Variants in TBC1D32 observed in about 807,000 individuals in gnomAD.
TBC1D32 encodes TBC1 domain family member 32.
TBC1D32 carries 151 observed loss-of-function variants against 170.3 expected under a neutral mutation model. The observed-to-expected ratio is 0.89, with a 90% confidence interval of 0.78 to 1.01. TBC1D32 has a LOEUF of 1.01. Among genes scored for constraint, TBC1D32 ranks in the 50% least tolerant of loss-of-function variants. The pLI is 0.00. For synonymous variants in TBC1D32, 498 were observed against 488.0 expected (o/e 1.02, Z -0.27); for missense variants, 1,464 against 1,457.1 (o/e 1.00, Z -0.08).
At chr6:121,225,723 G>A (rs1794983401) in intron 20 of TBC1D32, among the ~76,000 whole-genome samples, 1 of 152,028 alleles carries the variant, frequency 6.6e-6, no homozygotes, top group African/African-American at 2.4e-5. Context: ...TTTTAAAGAA[G>A]TTTGAGAAGA....
intron 22 of TBC1D32, among the ~76,000 whole-genome samples, chr6:121,179,844 G>C (rs1283274040): frequency 6.6e-6 from 1 of 151,996 alleles, no homozygotes; most frequent in African/African-American, 2.4e-5. Flanking sequence ...ATGAAAACTT[G>C]GTAAGAAACA....
chr6:121,324,367 A>C (rs934366489), intron 1 of TBC1D32, among the ~76,000 whole-genome samples: 1 of 152,112 alleles, frequency 6.6e-6, no homozygotes, highest in Non-Finnish European at 1.5e-5. Context: ...TTATTGATTG[A>C]ATTTTCTTTA....
rs1287675603 is a variant in TBC1D32, at chr6:121,303,605, A to G, written c.1080+12T>C. On this transcript the variant is annotated intron_variant, in intron 9 of 31. Transcript: ENST00000398212. ...GCACTAAAAGGTATAAAAATATTCT[A>G]TTTTTCCTTACCATCCACTTTTTGA... The G allele has an allele frequency of 7.2e-6, 11 of 1,525,642 alleles. No individual in the cohort carries two copies. Among genetic ancestry groups the G allele is most frequent in the East Asian group, 2.3e-5 (1 of 43,636 alleles). The allele number at this position is 1,525,642 out of a possible 1,614,324, so 94.5% of individuals were successfully genotyped here. A position where few individuals can be genotyped will look rare whatever the true frequency, so the allele number is the denominator to read the frequency against.
chr6:121,331,915 A>G (rs535431823), intron 1 of TBC1D32, among the ~76,000 whole-genome samples: 1 of 152,330 alleles, frequency 6.6e-6, no homozygotes, highest in Non-Finnish European at 1.5e-5. Flanking sequence ...AAGACTAAAA[A>G]TGACTTTTAG....
chr6:121,194,447 G>A (rs955279657), intron 22 of TBC1D32, among the ~76,000 whole-genome samples: 2 of 152,220 alleles, frequency 1.3e-5, no homozygotes, highest in African/African-American at 2.4e-5. Flanking sequence ...TGCATAGGTG[G>A]TGATTCCCAC....
chr6:121,093,225 C>T (rs1005618153), intron 30 of TBC1D32, among the ~76,000 whole-genome samples: 1 of 152,042 alleles, frequency 6.6e-6, no homozygotes, highest in Admixed American at 6.6e-5. Context: ...ATGCAGAGTA[C>T]GTTACTAAAT....
chr6:121,250,539 C>A (rs1238371710), intron 17 of TBC1D32, among the ~76,000 whole-genome samples: 1 of 152,102 alleles, frequency 6.6e-6, no homozygotes, highest in Non-Finnish European at 1.5e-5. Context: ...TTCAACACCC[C>A]TTTATGCTAA....
intron 21 of TBC1D32, among the ~76,000 whole-genome samples, chr6:121,207,737 A>C (rs1234590097): frequency 6.6e-6 from 1 of 152,188 alleles, no homozygotes; most frequent in African/African-American, 2.4e-5. Context: ...GTCCAGCTTG[A>C]GAATATTTTC....
At chr6:121,212,809 C>T (rs1793263218) in intron 21 of TBC1D32, among the ~76,000 whole-genome samples, 1 of 152,098 alleles carries the variant, frequency 6.6e-6, no homozygotes, top group Admixed American at 6.5e-5. Flanking sequence ...CAACAAAATA[C>T]TTGCAAACAA....
chr6:121,206,940 A>T (rs918632734), intron 21 of TBC1D32, among the ~76,000 whole-genome samples: 2 of 152,306 alleles, frequency 1.3e-5, no homozygotes, highest in South Asian at 2.1e-4. Flanking sequence ...TTCCTGAATT[A>T]GCTACATGAC....
chr6:121,140,543 T>G (rs1365696405), intron 24 of TBC1D32, among the ~76,000 whole-genome samples: 1 of 152,040 alleles, frequency 6.6e-6, no homozygotes, highest in Non-Finnish European at 1.5e-5. Flanking sequence ...ATATAGTATT[T>G]GAAAAAGAAT....
intron 26 of TBC1D32, among the ~76,000 whole-genome samples, chr6:121,117,244 C>T (rs576095969): frequency 1.3e-5 from 2 of 152,066 alleles, no homozygotes; most frequent in Admixed American, 6.6e-5. Context: ...TGTTGGCATA[C>T]CAAAACAAAC....
chr6:121,273,409 A>G (rs747258382), intron 15 of TBC1D32, among the ~76,000 whole-genome samples: 4 of 151,264 alleles, frequency 2.6e-5, no homozygotes, highest in Middle Eastern at 6.8e-3. Context: ...CAAACACTGC[A>G]TGTTCTCACT....
chr6:121,216,179 A>C (rs977886133), intron 21 of TBC1D32, among the ~76,000 whole-genome samples: 1 of 152,224 alleles, frequency 6.6e-6, no homozygotes, highest in Non-Finnish European at 1.5e-5. Flanking sequence ...GCAAATATAA[A>C]GCAGGCAGAA....
intron 1 of TBC1D32, among the ~76,000 whole-genome samples, chr6:121,332,298 T>C (rs1048743968): frequency 1.1e-4 from 17 of 151,882 alleles, no homozygotes; most frequent in African/African-American, 3.9e-4. Context: ...GTTTCCCACA[T>C]AGAAAAAAAC....
chr6:121,280,078 C>A (rs1802773398), intron 14 of TBC1D32, among the ~76,000 whole-genome samples: 1 of 151,868 alleles, frequency 6.6e-6, no homozygotes. Context: ...CTAATTATTA[C>A]TAATCATACT....
intron 17 of TBC1D32, among the ~76,000 whole-genome samples, chr6:121,244,448 G>C (rs749536905): frequency 8.5e-5 from 13 of 152,096 alleles, no homozygotes; most frequent in Non-Finnish European, 1.8e-4. Context: ...ACCACTAAGT[G>C]GGGGCAGGGT....
intron 21 of TBC1D32, among the ~76,000 whole-genome samples, chr6:121,221,358 T>C (rs1332124907): frequency 6.6e-6 from 1 of 152,238 alleles, no homozygotes. Context: ...ATTAATATTG[T>C]TTTTGTGCCT....
chr6:121,297,412 C>T (rs1003353877), intron 10 of TBC1D32, among the ~76,000 whole-genome samples: 3 of 151,966 alleles, frequency 2.0e-5, no homozygotes, highest in Admixed American at 6.6e-5. Flanking sequence ...ATAACCAAGC[C>T]GTCAAGTCAT....
Sources: gnomAD v4.1 joint callset for allele counts (sites outside exome capture counted in the v4.1 genomes callset) on GRCh38, gnomAD v4.1.1 for gene constraint, MANE v1.5 for transcripts, NCBI Gene and HGNC (gene_info 2026-07-23, HGNC 2026-07-21) for gene names.